CLYBL: variants seen among roughly 807,000 people sequenced by gnomAD.
CLYBL encodes citramalyl-CoA lyase, mitochondrial.
In CLYBL, 31 loss-of-function variants were observed where a neutral mutation model predicts 38.9. The observed-to-expected ratio is 0.80, with a 90% CI of 0.60 to 1.08. The LOEUF (loss-of-function observed/expected upper bound fraction) is 1.08, where lower values mean the gene tolerates loss of function less well. CLYBL is among the 50% of genes least tolerant of loss of function. CLYBL has a pLI of 0.00. For missense variants in CLYBL, 434 were observed against 411.6 expected (o/e 1.05, Z -0.47); for synonymous variants, 171 against 158.6 (o/e 1.08, Z -0.59).
intron 8 of CLYBL, 117 bp downstream of exon 8, chr13:99,891,554 G>A: frequency 3.5e-6 from 2 of 574,984 alleles, no homozygotes; most frequent in East Asian, 3.0e-5. Context: ...TCACAATTTT[G>A]TTGTTGTTGT....
chr13:99,716,169 A>ATT (rs4001024), intron 1 of CLYBL, among the ~76,000 whole-genome samples: 683 of 33,446 alleles, frequency 0.02, 252 homozygotes, highest in Non-Finnish European at 0.03. Context: ...TATTGGTGTA[A>ATT]TTTTTTTTTT....
chr13:99,803,871 G>C (rs2050181164), intron 2 of CLYBL, among the ~76,000 whole-genome samples: 1 of 152,198 alleles, frequency 6.6e-6, no homozygotes, highest in Admixed American at 6.5e-5. Context: ...TTCGACTGCA[G>C]TCCTAACTGG....
intron 7 of CLYBL, among the ~76,000 whole-genome samples, chr13:99,875,969 T>A (rs1420544604): frequency 3.3e-5 from 5 of 152,076 alleles, no homozygotes; most frequent in African/African-American, 9.7e-5. Context: ...ATGATGACTT[T>A]AAGATTGGAT....
chr13:99,815,984 C>T (rs2050438951), intron 2 of CLYBL, among the ~76,000 whole-genome samples: 1 of 152,188 alleles, frequency 6.6e-6, no homozygotes, highest in South Asian at 2.1e-4. Flanking sequence ...TACAGTTATC[C>T]ATACTTCAAT....
chr13:99,657,174 G>C (rs2047341886), intron 1 of CLYBL, among the ~76,000 whole-genome samples: 2 of 152,202 alleles, frequency 1.3e-5, no homozygotes, highest in South Asian at 4.1e-4. Flanking sequence ...GTATACTGCA[G>C]AAGGACAACA....
intron 1 of CLYBL, among the ~76,000 whole-genome samples, chr13:99,732,171 T>G (rs1488024328): frequency 4.3e-5 from 3 of 69,408 alleles, no homozygotes; most frequent in Non-Finnish European, 3.9e-5. Flanking sequence ...ATATGGCAGT[T>G]TTTTTTTTTT....
chr13:99,906,001 T>C (rs2052693919), intron 9 of CLYBL, among the ~76,000 whole-genome samples: 2 of 152,196 alleles, frequency 1.3e-5, no homozygotes, highest in African/African-American at 4.8e-5. Flanking sequence ...CTTGAACTCC[T>C]GGGCTCAAGT....
chr13:99,643,693 G>C (rs935496400), intron 1 of CLYBL, among the ~76,000 whole-genome samples: 1 of 152,102 alleles, frequency 6.6e-6, no homozygotes, highest in African/African-American at 2.4e-5. Flanking sequence ...TAATTTATTA[G>C]GTCACAATGA....
intron 1 of CLYBL, among the ~76,000 whole-genome samples, chr13:99,645,787 C>G (rs926889224): frequency 7.2e-5 from 11 of 152,034 alleles, no homozygotes; most frequent in African/African-American, 2.2e-4. Flanking sequence ...TGGGCTGTCT[C>G]TTCACTTTGT....
chr13:99,865,138 A>C lies in CLYBL; in HGVS notation c.634+227A>C. On this transcript the variant is annotated intron_variant, in intron 5 of 8. Coordinates refer to ENST00000339105, the MANE Select transcript of CLYBL (RefSeq NM_206808.5). This position sits in a 1 kb window ranked among gnomAD's most constrained non-coding sequence, Gnocchi z 4.7. ...TGCATTATTACTTCTGTTCATTTAT[A>C]AAAGACACGAGCAATAGAAAGCCTG... The C allele has an allele frequency of 1.9e-6, 1 of 530,400 alleles. No homozygotes were observed. The highest frequency in any genetic ancestry group is 3.6e-6 in the Non-Finnish European group (1 of 280,978). 32.9% of individuals were successfully genotyped at this position (530,400 alleles called of 1,614,324 possible). A position where few individuals can be genotyped will look rare whatever the true frequency, so the allele number is the denominator to read the frequency against.
chr13:99,863,624 G>A (rs1435193638), intron 4 of CLYBL, among the ~76,000 whole-genome samples: 2 of 152,222 alleles, frequency 1.3e-5, no homozygotes, highest in East Asian at 3.8e-4. Context: ...TATACATGCG[G>A]GAATATTGGC....
At chr13:99,608,086 TCCGAG>T (rs2046559799) in intron 1 of CLYBL, among the ~76,000 whole-genome samples, 2 of 77,574 alleles carry the variant, frequency 2.6e-5, no homozygotes, top group African/African-American at 6.2e-5. Context: ...TTTTTTTTTT[TCCGAG>T]ATGGAGTTTC....
chr13:99,842,158 C>T (rs1204837220), intron 2 of CLYBL, among the ~76,000 whole-genome samples: 4 of 152,052 alleles, frequency 2.6e-5, no homozygotes, highest in African/African-American at 7.2e-5. Context: ...TGATGCAAGT[C>T]GACAGTCGTG....
chr13:99,607,923 T>C (rs983785753), intron 1 of CLYBL, among the ~76,000 whole-genome samples: 18 of 152,100 alleles, frequency 1.2e-4, no homozygotes, highest in Non-Finnish European at 2.5e-4. Context: ...TTTGTATTTT[T>C]AGTAGAGACA....
chr13:99,826,923 A>G (rs1469912731), intron 2 of CLYBL, among the ~76,000 whole-genome samples: 1 of 152,228 alleles, frequency 6.6e-6, no homozygotes, highest in Non-Finnish European at 1.5e-5. Flanking sequence ...TTAGGTGTCA[A>G]TGAAGGTGTC....
At chr13:99,835,712 G>A (rs866991437) in intron 2 of CLYBL, among the ~76,000 whole-genome samples, 9 of 152,184 alleles carry the variant, frequency 5.9e-5, no homozygotes, top group South Asian at 2.1e-4. Flanking sequence ...CCAGGACCTA[G>A]AACAGTGCCT....
chr13:99,726,754 G>A (rs2048480551), intron 1 of CLYBL: 1 of 151,862 alleles, frequency 6.6e-6, no homozygotes. Context: ...AGTGTCTGTA[G>A]GGCCTCAGGC....
chr13:99,651,556 C>T (rs1222982105), intron 1 of CLYBL, among the ~76,000 whole-genome samples: 10 of 151,930 alleles, frequency 6.6e-5, no homozygotes, highest in African/African-American at 1.2e-4. Context: ...GGTGACACAG[C>T]GAGACCCCGT....
chr13:99,810,422 G>A (rs2050317962), intron 2 of CLYBL, among the ~76,000 whole-genome samples: 1 of 152,218 alleles, frequency 6.6e-6, no homozygotes, highest in African/African-American at 2.4e-5. Flanking sequence ...ACAGTGGGGA[G>A]TGGAGCAGAG....
Sources: allele counts gnomAD v4.1 joint callset (sites outside exome capture counted in the v4.1 genomes callset), GRCh38; gene constraint gnomAD v4.1.1; non-coding constraint Gnocchi (gnomAD v3.1); transcripts MANE v1.5; gene names NCBI Gene and HGNC (gene_info 2026-07-23, HGNC 2026-07-21).